Variants in GNB5 observed in about 807,000 individuals in gnomAD.
GNB5 encodes guanine nucleotide-binding protein subunit beta-5.
A neutral mutation model predicts 55.3 loss-of-function variants in GNB5; 37 were observed. The ratio of observed to expected loss-of-function variants is 0.67; its 90% CI spans 0.51 to 0.88. GNB5 has a LOEUF of 0.88. Among genes scored for constraint, GNB5 ranks in the 40% least tolerant of loss-of-function variants. The pLI, the probability that GNB5 is intolerant of heterozygous loss-of-function variation, is 0.00. For missense variants in GNB5, 476 were observed against 515.3 expected (o/e 0.92, Z 0.74); for synonymous variants, 219 against 198.5 (o/e 1.10, Z -0.87).
intron 7 of GNB5, chr15:52,137,869 T>C: frequency 7.8e-7 from 1 of 1,286,626 alleles, no homozygotes; most frequent in East Asian, 5.6e-5. Context: ...CTGGGTGAGG[T>C]GATAAGACCG....
At chr15:52,148,332 G>A (rs1476632140) in intron 5 of GNB5, among the ~76,000 whole-genome samples, 1 of 152,222 alleles carries the variant, frequency 6.6e-6, no homozygotes, top group Non-Finnish European at 1.5e-5. Context: ...ATGGGTCAGG[G>A]GAGGGGAGGG....
At chr15:52,145,058 A>C (rs979694234) in intron 6 of GNB5, among the ~76,000 whole-genome samples, 21 of 152,048 alleles carry the variant, frequency 1.4e-4, no homozygotes, top group Non-Finnish European at 4.4e-5. Context: ...GGACCCTCAA[A>C]TTTGCAGCCA....
At chr15:52,168,019 C>T (rs55812735) in intron 3 of GNB5, among the ~76,000 whole-genome samples, 74,580 of 151,992 alleles carry the variant, frequency 0.49, 22,128 homozygotes, top group Non-Finnish European at 0.68. Context: ...TAGTAAGAGC[C>T]ATATATGACA....
chr15:52,124,883 A>G, intron 11 of GNB5: 1 of 386,490 alleles, frequency 2.6e-6, no homozygotes, highest in South Asian at 5.0e-5. Context: ...AGTGCTTTAC[A>G]CACGTAAAGT....
chr15:52,179,581 G>T (rs2034724227), intron 3 of GNB5, among the ~76,000 whole-genome samples, 187 bp downstream of exon 3: 1 of 151,630 alleles, frequency 6.6e-6, no homozygotes, highest in South Asian at 2.1e-4. Context: ...ACCGCCGCGC[G>T]TCCCGGGGAT....
chr15:52,172,132 C>T (rs926511942), intron 3 of GNB5, among the ~76,000 whole-genome samples: 2 of 151,978 alleles, frequency 1.3e-5, no homozygotes, highest in African/African-American at 2.4e-5. Context: ...TCCCCTTTCT[C>T]TTTTTATTTT....
intron 3 of GNB5, among the ~76,000 whole-genome samples, chr15:52,171,075 A>G (rs2034546285): frequency 6.7e-6 from 1 of 148,936 alleles, no homozygotes; most frequent in Non-Finnish European, 1.5e-5. Context: ...GGTGAGCAAT[A>G]AAGTGAGACT....
intron 12 of GNB5, among the ~76,000 whole-genome samples, chr15:52,123,308 G>C (rs1366048427): frequency 2.6e-5 from 4 of 151,896 alleles, no homozygotes; most frequent in African/African-American, 9.7e-5. Flanking sequence ...AGTTTTAAAG[G>C]GTTTGTTCGA....
intron 3 of GNB5, among the ~76,000 whole-genome samples, chr15:52,161,334 G>C (rs1417380984): frequency 6.6e-6 from 1 of 152,174 alleles, no homozygotes; most frequent in Non-Finnish European, 1.5e-5. Context: ...GTCTCGCTCT[G>C]TTGCCCAGGC....
At chr15:52,171,050 C>T (rs1001608020) in intron 3 of GNB5, among the ~76,000 whole-genome samples, 2 of 144,364 alleles carry the variant, frequency 1.4e-5, no homozygotes, top group Admixed American at 7.2e-5. Context: ...GCCATGATCA[C>T]GCTACTGGAC....
chr15:52,135,765 A>G lies in GNB5; in HGVS notation c.628-9T>C. 6.2e-7 allele frequency: 1 copy of G among 1,611,714 alleles called. No individual in the cohort carries two copies. The highest frequency in any genetic ancestry group is 8.5e-7 in the Non-Finnish European group (1 of 1,179,760). On this transcript the variant is annotated splice_polypyrimidine_tract_variant and intron_variant, in intron 7 of 12. Coordinates refer to ENST00000261837, the MANE Select transcript of GNB5 (RefSeq NM_016194.4). The stretch of plus-strand genomic sequence containing the variant: ...CCGCTCGCTGTCAGGATCTGCCCGC[A>G]GAAAAGGACAGGAAGTGGGTGGTTG...
intron 5 of GNB5, chr15:52,149,327 C>T (rs3794543): frequency 0.14 from 23,437 of 163,752 alleles, 1,989 homozygotes; most frequent in Admixed American, 0.25. Context: ...TGCAGGTGTT[C>T]CAGCATACCT....
intron 3 of GNB5, among the ~76,000 whole-genome samples, chr15:52,169,102 T>C (rs8041504): frequency 0.052 from 7,863 of 152,274 alleles, 695 homozygotes; most frequent in African/African-American, 0.18. Context: ...TGTGGACGAA[T>C]CACTTGAGGT....
chr15:52,182,233 A>G (rs915207331), intron 2 of GNB5, among the ~76,000 whole-genome samples: 1 of 152,212 alleles, frequency 6.6e-6, no homozygotes, highest in Non-Finnish European at 1.5e-5. Context: ...AGCAGTTCAC[A>G]TGAGGTAATT....
At chr15:52,171,661 G>A (rs1035559785) in intron 3 of GNB5, among the ~76,000 whole-genome samples, 21 of 152,200 alleles carry the variant, frequency 1.4e-4, no homozygotes, top group African/African-American at 2.6e-4. Context: ...TGTAAGCGTC[G>A]GTACACAGAT....
Position 52,124,582 on chromosome 15 carries a change from T to A in GNB5, c.1067A>T (p.Lys356Ile). The change falls in exon 12 of 13, where the codon AAA (lysine) becomes ATA (isoleucine). Residue 356 changes from lysine (K) to isoleucine (I), a missense_variant. Transcript: ENST00000261837. ...AAACAGGATGGAGACCCGGGACCCTTTGAGAACATCCCAGACGTTGATAGT... is the reference window on the plus strand; with the variant it reads ...AAACAGGATGGAGACCCGGGACCCTATGAGAACATCCCAGACGTTGATAGT... ...DYTINVWDVL[K>I]GSRVSILFGH... is the part of the protein sequence containing the mutation. The A allele has an allele frequency of 6.2e-7, 1 of 1,613,964 alleles. No individual in the cohort carries two copies. Among genetic ancestry groups the A allele is most frequent in the Non-Finnish European group, 8.5e-7 (1 of 1,179,816 alleles).
chr15:52,124,005 C>CAAAAAAAAA (rs56008657), intron 12 of GNB5, among the ~76,000 whole-genome samples: 5 of 84,414 alleles, frequency 5.9e-5, no homozygotes, highest in Admixed American at 1.3e-4. Context: ...ATAGAAAAAC[C>CAAAAAAAAA]AAAAAAAAAA....
In GNB5 at chr15:52,117,102, A is replaced by ATATATATATATATATATTTTTT; in HGVS notation, c.*5654_*5655insAAAAAATATATATATATATATA. On this transcript the variant is annotated 3_prime_UTR_variant, in exon 13 of 13. Coordinates refer to ENST00000261837, the MANE Select transcript of GNB5 (RefSeq NM_016194.4). ...CCACGCCCAGCTAATATATATATAT[A>ATATATATATATATATATTTTTT]TTTTTTTTTAGTACAGACAGGGTTT... is the stretch of plus-strand genomic sequence containing the variant. 6 of 87,100 alleles carry ATATATATATATATATATTTTTT rather than the reference A, an allele frequency of 6.9e-5. No homozygotes were observed. Among genetic ancestry groups the ATATATATATATATATATTTTTT allele is most frequent in the Admixed American group, 2.5e-4 (2 of 8,100 alleles). 5.4% of individuals were successfully genotyped at this position (87,100 alleles called of 1,614,324 possible). A position where few individuals can be genotyped will look rare whatever the true frequency, so the allele number is the denominator to read the frequency against.
chr15:52,140,806 A>G (rs2033834144), intron 7 of GNB5, among the ~76,000 whole-genome samples: 1 of 152,168 alleles, frequency 6.6e-6, no homozygotes, highest in Admixed American at 6.5e-5. Context: ...AGCTCAGTGA[A>G]GCTTTACACA....
Sources: gnomAD v4.1 joint callset for allele counts (sites outside exome capture counted in the v4.1 genomes callset) on GRCh38, gnomAD v4.1.1 for gene constraint, MANE v1.5 for transcripts, NCBI Gene and HGNC (gene_info 2026-07-23, HGNC 2026-07-21) for gene names.